Variants in KDM6A observed in about 807,000 individuals in gnomAD.
The protein encoded by KDM6A is lysine demethylase 6A.
In KDM6A, 11 loss-of-function variants were observed where a neutral mutation model predicts 117.6. That is an observed-to-expected ratio of 0.09 (90% CI 0.06 to 0.15). The LOEUF (loss-of-function observed/expected upper bound fraction) is 0.15, where lower values mean the gene tolerates loss of function less well. KDM6A is among the 10% of genes least tolerant of loss of function. KDM6A has a pLI of 1.00. For missense variants in KDM6A, 799 were observed against 1,077.3 expected (o/e 0.74, Z 3.62); for synonymous variants, 384 against 396.1 (o/e 0.97, Z 0.36).
chrX:44,971,575 C>T (rs1156889539), intron 3 of KDM6A, among the ~76,000 whole-genome samples: 1 of 110,630 alleles, frequency 9.0e-6, no homozygotes, highest in Non-Finnish European at 1.9e-5. Flanking sequence ...TAAGGTCAGC[C>T]GAGAGAAAGG....
intron 10 of KDM6A, among the ~76,000 whole-genome samples, chrX:45,054,971 C>T (rs1027526656): frequency 9.0e-6 from 1 of 111,390 alleles, no homozygotes; most frequent in Non-Finnish European, 1.9e-5. Context: ...TGCTGCTAAA[C>T]ATCCTACAAT....
rs1320064373 is a variant in KDM6A, at chrX:45,062,744, A to G, written c.1679A>G (p.His560Arg). 1 of 1,145,549 alleles carries G rather than the reference A, an allele frequency of 8.7e-7. No homozygotes were observed. The allele number at this position is 1,145,549 out of a possible 1,213,427, so 94.4% of individuals were successfully genotyped here. A position where few individuals can be genotyped will look rare whatever the true frequency, so the allele number is the denominator to read the frequency against. ...LESQFVLMQQHQMRPTGVAQV... is the reference protein window; with the variant it reads ...LESQFVLMQQRQMRPTGVAQV... ...AGTCAGTTTGTCTTAATGCAACAAC[A>G]CCAAGTGTGTATAGCATATTTTTCC... The change falls in exon 16 of 30, where the codon CAC (histidine) becomes CGC (arginine). Residue 560 changes from histidine (H) to arginine (R), a missense_variant. This residue lies in a region of KDM6A where 301 missense variants were observed against 318.3 expected (regional missense o/e 0.95). Transcript: ENST00000611820.
chrX:44,947,675 C>G (rs1313032185), intron 2 of KDM6A, among the ~76,000 whole-genome samples: 4 of 111,723 alleles, frequency 3.6e-5, no homozygotes. Context: ...CGCGCCCAGC[C>G]AATACTCAGA....
intron 1 of KDM6A, 27 bp downstream of exon 1, chrX:44,873,739 C>T: frequency 8.6e-7 from 1 of 1,160,563 alleles, no homozygotes. Flanking sequence ...CTCGCCCGGT[C>T]GGCTCCGGAC....
At chrX:45,049,557 T>A (rs922049044) in intron 8 of KDM6A, among the ~76,000 whole-genome samples, 2 of 112,269 alleles carry the variant, frequency 1.8e-5, no homozygotes, top group Non-Finnish European at 3.8e-5. Flanking sequence ...TTTTTTCAAG[T>A]AGATCATTGT....
intron 2 of KDM6A, among the ~76,000 whole-genome samples, chrX:44,914,102 C>T (rs909253389): frequency 9.0e-6 from 1 of 111,582 alleles, no homozygotes; most frequent in Non-Finnish European, 1.9e-5. Context: ...TTAGTAGCAC[C>T]CTTTCTGCAG....
At chrX:44,988,920 G>C (rs183639272) in intron 4 of KDM6A, among the ~76,000 whole-genome samples, 50 of 110,287 alleles carry the variant, frequency 4.5e-4, no homozygotes, top group African/African-American at 1.6e-3. Flanking sequence ...GAGAACCACT[G>C]CTGTCTTCAA....
Position 45,110,236 on chromosome X carries a change from A to G in KDM6A, c.4319A>G (p.Asp1440Gly). The change falls in exon 29 of 30, where the codon GAC (aspartate) becomes GGC (glycine). Residue 1440 changes from aspartate to glycine, a missense_variant. This residue lies in a region of KDM6A where 291 missense variants were observed against 437.9 expected (regional missense o/e 0.66). Coordinates refer to ENST00000611820, the MANE Select transcript of KDM6A (RefSeq NM_001291415.2). The stretch of plus-strand genomic sequence containing the variant: ...ATGGAGGACCTGATGCAAGTCTATG[A>G]CCAATTTACATTAGTAAGTCAAATC... Reference protein sequence around the residue: ...YKMEDLMQVYDQFTLAPPLPS... With the variant: ...YKMEDLMQVYGQFTLAPPLPS... 1 of 1,208,472 alleles carries G rather than the reference A, an allele frequency of 8.3e-7. No individual in the cohort carries two copies. The highest frequency in any genetic ancestry group is 1.1e-6 in the Non-Finnish European group (1 of 892,530).
At chrX:44,933,778 A>G (rs1418431925) in intron 2 of KDM6A, among the ~76,000 whole-genome samples, 3 of 109,833 alleles carry the variant, frequency 2.7e-5, no homozygotes, top group Admixed American at 9.7e-5. Flanking sequence ...GGGTTTCACC[A>G]TGTTTGCCAG....
At chrX:44,945,134 G>T (rs895742438) in intron 2 of KDM6A, among the ~76,000 whole-genome samples, 79 of 111,219 alleles carry the variant, frequency 7.1e-4, no homozygotes, top group Non-Finnish European at 1.2e-3. Context: ...AAAAAAATAG[G>T]ACTGTAGGTT....
intron 21 of KDM6A, chrX:45,082,313 A>G (rs1276383439): frequency 6.0e-5 from 21 of 349,519 alleles, no homozygotes; most frequent in South Asian, 5.2e-4. Flanking sequence ...CGCACCTAAT[A>G]GTCCCAGCTA....
In KDM6A at chrX:45,010,939, A is replaced by C. The variant is rs771508517; in HGVS notation, c.385-22A>C. 8 of 1,153,559 alleles carry C rather than the reference A, an allele frequency of 6.9e-6. No homozygotes were observed. The Admixed American group carries it at 1.1e-4, about 16-fold the overall frequency. ...TTAGATACAAGTATTTTTCCTAAAAATCTTTTTCCCTTCCTTTACAGAATG... is the reference window on the plus strand; with the variant it reads ...TTAGATACAAGTATTTTTCCTAAAACTCTTTTTCCCTTCCTTTACAGAATG... On this transcript the variant is annotated intron_variant, in intron 4 of 29. Transcript: ENST00000611820.
intron 4 of KDM6A, among the ~76,000 whole-genome samples, chrX:44,983,301 T>A (rs1006679150): frequency 6.3e-5 from 7 of 111,862 alleles, no homozygotes; most frequent in Non-Finnish European, 1.3e-4. Flanking sequence ...TTTCTGACTT[T>A]CCGGTGGCTT....
At chrX:44,873,819 G>T in intron 1 of KDM6A, 105 bp from the exon 2 acceptor site, 3 of 1,145,059 alleles carry the variant, frequency 2.6e-6, no homozygotes, top group Non-Finnish European at 3.5e-6. Flanking sequence ...GGGCACCTCG[G>T]TTTGGCGCTC....
chrX:45,074,601 C>T (rs1018111822), intron 18 of KDM6A, among the ~76,000 whole-genome samples: 1 of 111,529 alleles, frequency 9.0e-6, no homozygotes, highest in Non-Finnish European at 1.9e-5. Flanking sequence ...CTATTGGATA[C>T]CCCTTTATTT....
In KDM6A at chrX:45,012,197, A is replaced by ATTTTTTT. The variant is rs760991442; in HGVS notation, c.443+1194_443+1200dup. ...TTTATAAAATGTCAACCCAATGTAG[A>ATTTTTTT]TTTTTTTTTTTTTTTTTTTTTTGGT... is the stretch of plus-strand genomic sequence containing the variant. On this transcript the variant is annotated intron_variant, in intron 5 of 29. Transcript: ENST00000611820. 4.7e-3 allele frequency among the ~76,000 whole-genome samples: 323 copies of ATTTTTTT among 69,047 alleles called. 7 individuals are homozygous for ATTTTTTT. The highest frequency in any genetic ancestry group is 6.9e-3 in the Non-Finnish European group (261 of 37,625). The allele number at this position is 69,047 out of a possible 115,157, so 60.0% of individuals were successfully genotyped here. A position where few individuals can be genotyped will look rare whatever the true frequency, so the allele number is the denominator to read the frequency against.
chrX:44,897,269 GTTT>G (rs1207197202), intron 2 of KDM6A, among the ~76,000 whole-genome samples: 1 of 68,759 alleles, frequency 1.5e-5, no homozygotes, highest in Non-Finnish European at 2.9e-5. Flanking sequence ...TTTATTTTAG[GTTT>G]TTTTTTTTTT....
At chrX:45,052,034 G>C (rs780882516) in intron 9 of KDM6A, among the ~76,000 whole-genome samples, 2 of 111,544 alleles carry the variant, frequency 1.8e-5, no homozygotes, top group Admixed American at 1.9e-4. Flanking sequence ...TTACTCCCTA[G>C]TATTTAACCC....
chrX:45,036,168 A>T (rs1364399378), intron 7 of KDM6A, among the ~76,000 whole-genome samples: 1 of 111,375 alleles, frequency 9.0e-6, no homozygotes, highest in East Asian at 2.8e-4. Flanking sequence ...CTTAGGCTGG[A>T]GTGCAGTGGT....
Sources: gnomAD v4.1 joint callset for allele counts (sites outside exome capture counted in the v4.1 genomes callset) on GRCh38, gnomAD v4.1.1 for gene constraint, gnomAD v4.1.1 regional missense constraint, MANE v1.5 for transcripts, NCBI Gene and HGNC (gene_info 2026-07-23, HGNC 2026-07-21) for gene names.